Variants in JPH2 observed in about 807,000 individuals in gnomAD.
JPH2 encodes junctophilin 2, also known as junctophilin-2.
A neutral mutation model predicts 55.9 loss-of-function variants in JPH2; 38 were observed. The observed-to-expected ratio is 0.68, with a 90% CI of 0.52 to 0.89. The LOEUF (loss-of-function observed/expected upper bound fraction) is 0.89. Among genes scored for constraint, JPH2 ranks in the 40% least tolerant of loss-of-function variants. JPH2 has a pLI of 0.00. For synonymous variants in JPH2, 480 were observed against 472.4 expected, an observed-to-expected ratio of 1.02 and a Z score of -0.21; for missense variants, 964 against 1,037.6, an observed-to-expected ratio of 0.93 and a Z score of 0.97.
chr20:44,117,277 C>CAA (rs140058795), intron 3 of JPH2, among the ~76,000 whole-genome samples: 19 of 151,760 alleles, frequency 1.3e-4, no homozygotes, highest in Admixed American at 6.6e-4. Context: ...GACTCCGTCT[C>CAA]AAAAAAAACA....
Position 44,160,633 on chromosome 20 carries a change from TTGG to T in JPH2, c.380-229_380-227del, listed in dbSNP as rs1254183173. 6.6e-6 allele frequency among the ~76,000 whole-genome samples: 1 copy of T among 152,054 alleles called. No individual in the cohort carries two copies. The highest frequency in any genetic ancestry group is 2.4e-5 in the African/African-American group (1 of 41,404). ...GAGCTTGCACGATGGTAGGAATACGTTGGTGGGAACATGGCAAGGTCACAAGTC... is the reference window on the plus strand; with the variant it reads ...GAGCTTGCACGATGGTAGGAATACGTTGGGAACATGGCAAGGTCACAAGTC... On this transcript the variant is annotated intron_variant, in intron 1 of 5. Transcript: ENST00000372980. The surrounding 1 kb of genome is among the most constrained non-coding windows in gnomAD (Gnocchi z 4.9).
chr20:44,172,532 A>G (rs765235368), intron 1 of JPH2, among the ~76,000 whole-genome samples: 1 of 152,148 alleles, frequency 6.6e-6, no homozygotes, highest in African/African-American at 2.4e-5. Flanking sequence ...TCACTCTGTA[A>G]TCCAAGCTGG....
At chr20:44,134,110 TATAAATAA>T (rs1269349730) in intron 2 of JPH2, among the ~76,000 whole-genome samples, 2 of 22,896 alleles carry the variant, frequency 8.7e-5, no homozygotes, top group South Asian at 1.5e-3. Context: ...ATTATAAATA[TATAAATAA>T]ATATTTATTA....
rs1273230924 is a variant in JPH2, at chr20:44,160,162, C to T, written c.625G>A (p.Glu209Lys). The change falls in exon 2 of 6, where the codon GAG becomes AAG. Residue 209 changes from glutamate to lysine, a missense_variant. Transcript: ENST00000372980. The surrounding 1 kb of genome is among the most constrained non-coding windows in gnomAD (Gnocchi z 4.9). ...CCCTTGGGCGCCCGCGCGGCCGCCT[C>T]GGCATTGGCCAGGAGGCTGAGCGCG... ...GFALSLLANA[E>K]AAARAPKGGG... 1 of 1,420,894 alleles carries T rather than the reference C, an allele frequency of 7.0e-7. No individual in the cohort carries two copies. Among genetic ancestry groups the T allele is most frequent in the Non-Finnish European group, 9.1e-7 (1 of 1,097,060 alleles). 88.0% of individuals were successfully genotyped at this position (1,420,894 alleles called of 1,614,324 possible).
chr20:44,132,399 C>CACACACACACACACACACACACAG (rs71195518), intron 2 of JPH2, among the ~76,000 whole-genome samples: 9 of 130,502 alleles, frequency 6.9e-5, no homozygotes, highest in South Asian at 2.5e-4. Flanking sequence ...CACACACACA[C>CACACACACACACACACACACACAG]ACATTTGGGC....
intron 2 of JPH2, among the ~76,000 whole-genome samples, chr20:44,125,867 G>A (rs535742230): frequency 1.4e-4 from 21 of 152,180 alleles, no homozygotes; most frequent in Non-Finnish European, 1.0e-4. Flanking sequence ...TTACAGTCAC[G>A]TGGCTCAGAA....
In JPH2 at chr20:44,116,136, G is replaced by A. The variant is rs1377444830; in HGVS notation, c.1539C>T (p.Asn513=). 7 of 1,441,886 alleles carry A rather than the reference G, an allele frequency of 4.9e-6. No individual in the cohort carries two copies. The highest frequency in any genetic ancestry group is 6.3e-6 in the Non-Finnish European group (7 of 1,107,754). The allele number at this position is 1,441,886 out of a possible 1,614,324, so 89.3% of individuals were successfully genotyped here. The change falls in exon 4 of 6, where the codon AAC becomes AAT. Residue 513 remains asparagine, a synonymous_variant. Transcript: ENST00000372980. ...KDGLLSPGAW[N]GEPSGEGSRS... ...GGCTGCCCTCACCGCTGGGCTCGCC[G>A]TTCCAGGCGCCTGGGCTCAGCAGGC...
chr20:44,157,151 G>A (rs979920671), intron 2 of JPH2, among the ~76,000 whole-genome samples: 1 of 152,278 alleles, frequency 6.6e-6, no homozygotes, highest in Middle Eastern at 3.4e-3. Context: ...TGGTGACTCT[G>A]ATGGGCTACC....
intron 1 of JPH2, chr20:44,177,086 G>A (rs2072740094): frequency 2.0e-6 from 2 of 985,376 alleles, no homozygotes; most frequent in African/African-American, 1.7e-5. Flanking sequence ...TCTGTGCCAG[G>A]CAACTCTCAT....
intron 2 of JPH2, among the ~76,000 whole-genome samples, chr20:44,141,018 G>A (rs977349572): frequency 2.4e-4 from 36 of 152,202 alleles, no homozygotes; most frequent in African/African-American, 8.2e-4. Context: ...CTGAAAGATG[G>A]AGAAGGAGGA....
intron 2 of JPH2, among the ~76,000 whole-genome samples, chr20:44,141,841 A>G (rs2072458927): frequency 6.6e-6 from 1 of 152,108 alleles, no homozygotes; most frequent in Admixed American, 6.6e-5. Context: ...AGCTGAGCAC[A>G]GTTCTAACTA....
At chr20:44,181,551 G>GT (rs1474224835) in intron 1 of JPH2, among the ~76,000 whole-genome samples, 2 of 152,220 alleles carry the variant, frequency 1.3e-5, no homozygotes, top group African/African-American at 4.8e-5. Flanking sequence ...GAAGACTGCT[G>GT]TTTCCTTTGT....
intron 2 of JPH2, among the ~76,000 whole-genome samples, chr20:44,127,657 T>G (rs963888066): frequency 6.6e-6 from 1 of 151,878 alleles, no homozygotes; most frequent in Admixed American, 6.6e-5. Flanking sequence ...GGCTGATTTT[T>G]TTTTGTATTT....
At position 44,116,301 on chromosome 20, in the gene JPH2, G is replaced by A. The variant is rs1293380239; in HGVS notation, c.1374C>T (p.Gly458=). The change falls in exon 4 of 6, where the codon GGC becomes GGT. Residue 458 remains glycine (G), a synonymous_variant. Transcript: ENST00000372980. ...SLLEPPDRGA[G]AAGLPQPPRE... ...GGGGCGGCTGTGGGAGGCCCGCTGCGCCGGCGCCCCGGTCGGGGGGCTCCA... is the reference window on the plus strand; with the variant it reads ...GGGGCGGCTGTGGGAGGCCCGCTGCACCGGCGCCCCGGTCGGGGGGCTCCA... 4 of 1,540,560 alleles carry A rather than the reference G, an allele frequency of 2.6e-6. No individual in the cohort carries two copies. The highest frequency in any genetic ancestry group is 2.2e-4 in the Middle Eastern group (1 of 4,476).
At chr20:44,177,417 G>A (rs369888621) in intron 1 of JPH2, 8 of 987,626 alleles carry the variant, frequency 8.1e-6, no homozygotes, top group African/African-American at 7.0e-5. Context: ...GCCTGGCCTC[G>A]GACAGGGGCA....
chr20:44,173,250 T>A (rs986883840), intron 1 of JPH2, among the ~76,000 whole-genome samples: 4 of 152,154 alleles, frequency 2.6e-5, no homozygotes, highest in Non-Finnish European at 5.9e-5. Flanking sequence ...ATAACATCAC[T>A]ACTGTCAAAA....
At chr20:44,134,717 AATATATATTTATTATAAATAT>A (rs2072389349) in intron 2 of JPH2, among the ~76,000 whole-genome samples, 1 of 67,756 alleles carries the variant, frequency 1.5e-5, no homozygotes, top group African/African-American at 7.9e-5. Context: ...ATATATTATA[AATATATATTTATTATAAATAT>A]ATAAAGATAT....
chr20:44,177,144 C>T, intron 1 of JPH2: 1 of 985,524 alleles, frequency 1.0e-6, no homozygotes, highest in Non-Finnish European at 1.2e-6. Context: ...GGGAGGTGTG[C>T]CAGCCCTAAC....
At chr20:44,173,060 T>C (rs953143137) in intron 1 of JPH2, among the ~76,000 whole-genome samples, 8 of 152,232 alleles carry the variant, frequency 5.3e-5, no homozygotes, top group Non-Finnish European at 1.2e-4. Context: ...TGCCTGGACA[T>C]AGACCAAACT....
Sources: allele counts gnomAD v4.1 joint callset (sites outside exome capture counted in the v4.1 genomes callset), GRCh38; gene constraint gnomAD v4.1.1; non-coding constraint Gnocchi (gnomAD v3.1); transcripts MANE v1.5; gene names NCBI Gene and HGNC (gene_info 2026-07-23, HGNC 2026-07-21).